Variants in EPB41L3 observed in about 807,000 individuals in gnomAD.
The protein encoded by EPB41L3 is erythrocyte membrane protein band 4.1 like 3.
Under a neutral mutation model 127.1 loss-of-function variants are expected in EPB41L3, and 57 were observed. That is an observed-to-expected ratio of 0.45 (90% CI 0.36 to 0.56). The LOEUF (loss-of-function observed/expected upper bound fraction) is 0.56, where lower values mean the gene tolerates loss of function less well. EPB41L3 is among the 20% of genes least tolerant of loss of function. The pLI is 0.00. For synonymous variants in EPB41L3, 572 were observed against 549.5 expected (o/e 1.04, Z -0.57); for missense variants, 1,273 against 1,372.2 (o/e 0.93, Z 1.14).
At chr18:5,571,299 A>G (rs1294918210) in intron 3 of EPB41L3, among the ~76,000 whole-genome samples, 1 of 152,240 alleles carries the variant, frequency 6.6e-6, no homozygotes, top group Non-Finnish European at 1.5e-5. Flanking sequence ...CTTTAGAGAA[A>G]GGAACCCAAA....
intron 3 of EPB41L3, among the ~76,000 whole-genome samples, chr18:5,582,942 A>C (rs1395097226): frequency 6.6e-6 from 1 of 152,182 alleles, no homozygotes; most frequent in Non-Finnish European, 1.5e-5. Context: ...ACATCACTTC[A>C]CAGCAGGGGC....
chr18:5,608,599 C>A (rs2094690090), intron 3 of EPB41L3, among the ~76,000 whole-genome samples: 1 of 152,170 alleles, frequency 6.6e-6, no homozygotes, highest in Non-Finnish European at 1.5e-5. Context: ...AGGTCCCAGA[C>A]AGATGGAAAA....
intron 1 of EPB41L3, among the ~76,000 whole-genome samples, chr18:5,506,090 C>T (rs548760571): frequency 3.9e-5 from 6 of 151,992 alleles, no homozygotes; most frequent in South Asian, 2.1e-4. Context: ...CTAGCCATCA[C>T]GCCTTCTCCT....
intron 13 of EPB41L3, among the ~76,000 whole-genome samples, chr18:5,414,232 T>C (rs979875012): frequency 2.6e-5 from 4 of 152,202 alleles, no homozygotes; most frequent in African/African-American, 9.6e-5. Flanking sequence ...ATTGCCAATA[T>C]GAGAAATAGT....
chr18:5,511,391 G>GTTTT (rs1190047630), intron 1 of EPB41L3, among the ~76,000 whole-genome samples: 697 of 59,878 alleles, frequency 0.012, 7 homozygotes, highest in South Asian at 0.013. Flanking sequence ...AGGTATTTTG[G>GTTTT]TTTTTTTTTT....
At chr18:5,449,646 T>C (rs1031757994) in intron 3 of EPB41L3, among the ~76,000 whole-genome samples, 7 of 152,104 alleles carry the variant, frequency 4.6e-5, no homozygotes, top group African/African-American at 1.7e-4. Flanking sequence ...TGTTCATTGA[T>C]AAAAGAAAAA....
chr18:5,505,558 T>A (rs2092090474), intron 1 of EPB41L3, among the ~76,000 whole-genome samples: 1 of 133,024 alleles, frequency 7.5e-6, no homozygotes, highest in Non-Finnish European at 1.6e-5. Context: ...CACCTTCAGC[T>A]CTTACCCTCC....
At position 5,397,519 on chromosome 18, in the gene EPB41L3, C is replaced by A; in HGVS notation, c.2473-93G>T. ...CTGCCACTCGCCAGGATGTCTAAAGCCAGCAGCAAGTGCTTATAACCAGAA... is the reference window on the plus strand; with the variant it reads ...CTGCCACTCGCCAGGATGTCTAAAGACAGCAGCAAGTGCTTATAACCAGAA... On this transcript the variant is annotated intron_variant, in intron 17 of 22. Transcript: ENST00000341928. The surrounding 1 kb of genome is among the most constrained non-coding windows in gnomAD (Gnocchi z 4.1). 1 of 1,444,308 alleles carries A rather than the reference C, an allele frequency of 6.9e-7. No individual in the cohort carries two copies. Among genetic ancestry groups the A allele is most frequent in the Non-Finnish European group, 9.2e-7 (1 of 1,081,308 alleles). 89.5% of individuals were successfully genotyped at this position (1,444,308 alleles called of 1,614,324 possible). A position where few individuals can be genotyped will look rare whatever the true frequency, so the allele number is the denominator to read the frequency against.
intron 3 of EPB41L3, among the ~76,000 whole-genome samples, chr18:5,572,629 A>C (rs1408525241): frequency 6.6e-6 from 1 of 152,162 alleles, no homozygotes; most frequent in Non-Finnish European, 1.5e-5. Context: ...GCTGCAGTGC[A>C]ATGGTGTCAT....
At chr18:5,428,717 C>G (rs1272543004) in intron 8 of EPB41L3, among the ~76,000 whole-genome samples, 4 of 152,148 alleles carry the variant, frequency 2.6e-5, no homozygotes, top group African/African-American at 4.8e-5. Context: ...ATACTGCACA[C>G]CAAGAGGGCC....
intron 3 of EPB41L3, among the ~76,000 whole-genome samples, chr18:5,596,601 T>C (rs1356589293): frequency 6.6e-6 from 1 of 152,168 alleles, no homozygotes; most frequent in Admixed American, 6.6e-5. Flanking sequence ...TTTTACCTGA[T>C]ATTGCTGAGG....
intron 1 of EPB41L3, 24 bp from the exon 2 acceptor site, chr18:5,489,218 G>A (rs373331666): frequency 8.2e-6 from 13 of 1,580,662 alleles, no homozygotes; most frequent in Admixed American, 5.8e-5. Context: ...AAAGGGAAGA[G>A]CAGGTCACTC....
At chr18:5,436,403 C>CTTTTTTTTTTTT (rs34862547) in intron 6 of EPB41L3, among the ~76,000 whole-genome samples, 3 of 100,646 alleles carry the variant, frequency 3.0e-5, no homozygotes, top group Admixed American at 1.4e-4. Flanking sequence ...CATTTTCTTT[C>CTTTTTTTTTTTT]TTTTTTTTTT....
intron 3 of EPB41L3, among the ~76,000 whole-genome samples, chr18:5,586,407 T>C (rs1034348056): frequency 1.3e-5 from 2 of 151,388 alleles, no homozygotes; most frequent in African/African-American, 4.8e-5. Context: ...TTTTTTGTTT[T>C]TTTTTTTTTT....
At chr18:5,547,793 C>A (rs528602176), upstream of EPB41L3, among the ~76,000 whole-genome samples, 1 of 152,252 alleles carries the variant, frequency 6.6e-6, no homozygotes, top group Non-Finnish European at 1.5e-5. Flanking sequence ...TGGTATTCTG[C>A]TACCTGAACA....
chr18:5,553,612 G>A (rs1408175378), intron 3 of EPB41L3, among the ~76,000 whole-genome samples: 1 of 152,186 alleles, frequency 6.6e-6, no homozygotes, highest in Non-Finnish European at 1.5e-5. Flanking sequence ...TGAGAAAAAG[G>A]GCAAAGGCGA....
chr18:5,496,990 G>A (rs1347955777), intron 1 of EPB41L3, among the ~76,000 whole-genome samples: 1 of 152,184 alleles, frequency 6.6e-6, no homozygotes, highest in Admixed American at 6.5e-5. Context: ...GCTCTAGACT[G>A]GATGGTTAGG....
In EPB41L3 at chr18:5,527,868, C is replaced by T. The variant is rs902093968; in HGVS notation, c.-12+16045G>A. ...AGCCACAAACCTTGCATAAAGCGTCCAGTCTTCAACTAATAAGAAACACAC... is the reference window on the plus strand; with the variant it reads ...AGCCACAAACCTTGCATAAAGCGTCTAGTCTTCAACTAATAAGAAACACAC... On this transcript the variant is annotated intron_variant, in intron 1 of 22. Coordinates refer to ENST00000341928, the MANE Select transcript of EPB41L3 (RefSeq NM_012307.5). Among the ~76,000 whole-genome samples the T allele has an allele frequency of 2.6e-5, 4 of 152,298 alleles. No homozygotes were observed. In the South Asian group the frequency reaches 6.2e-4, roughly 24 times the overall value.
chr18:5,508,590 A>AC (rs1480259917), intron 1 of EPB41L3, among the ~76,000 whole-genome samples: 1 of 151,708 alleles, frequency 6.6e-6, no homozygotes, highest in Non-Finnish European at 1.5e-5. Flanking sequence ...ACATGGTGAA[A>AC]CCCCGTCTCT....
Sources: allele counts gnomAD v4.1 joint callset (sites outside exome capture counted in the v4.1 genomes callset), GRCh38; gene constraint gnomAD v4.1.1; non-coding constraint Gnocchi (gnomAD v3.1); transcripts MANE v1.5; gene names NCBI Gene and HGNC (gene_info 2026-07-23, HGNC 2026-07-21).